Variants in FGF5 observed in about 807,000 individuals in gnomAD.
The protein encoded by FGF5 is heparin-binding growth factor 5.
FGF5 carries 23 observed loss-of-function variants against 21.8 expected under a neutral mutation model. The observed-to-expected ratio is 1.05, with a 90% CI of 0.76 to 1.49. FGF5 has a LOEUF of 1.49. Ranked by LOEUF, FGF5 falls within the 40% of genes most tolerant of loss-of-function variation. The pLI is 0.00. For synonymous variants in FGF5, 158 were observed against 124.0 expected (o/e 1.27, Z -1.82); for missense variants, 352 against 332.9 (o/e 1.06, Z -0.45).
chr4:80,281,850 G>A (rs542357759), intron 2 of FGF5, among the ~76,000 whole-genome samples: 3 of 152,190 alleles, frequency 2.0e-5, no homozygotes, highest in African/African-American at 7.2e-5. Flanking sequence ...GTAGTTAATC[G>A]GAGTTGTGCT....
At chr4:80,281,016 A>G (rs1720537699) in intron 2 of FGF5, among the ~76,000 whole-genome samples, 1 of 152,094 alleles carries the variant, frequency 6.6e-6, no homozygotes, top group African/African-American at 2.4e-5. Flanking sequence ...GTTGGGTGAT[A>G]TTAAAGCCAA....
chr4:80,274,612 T>C (rs1720359703), intron 1 of FGF5, among the ~76,000 whole-genome samples: 1 of 152,090 alleles, frequency 6.6e-6, no homozygotes, highest in Non-Finnish European at 1.5e-5. Context: ...TTAATTTCTT[T>C]AAAACCTGAG....
chr4:80,275,721 T>G (rs1358472303), intron 2 of FGF5, among the ~76,000 whole-genome samples: 1 of 152,030 alleles, frequency 6.6e-6, no homozygotes, highest in Non-Finnish European at 1.5e-5. Flanking sequence ...TTAAAGATAA[T>G]AAAATATGTT....
rs1308349246 is a variant in FGF5 at position 80,289,130 on chromosome 4, A to T, written c.*2458A>T. ...TGCCTCAGCCTCCCAAGTAGCTGGG[A>T]TTACAGACTCATGCCACCACGCCAG... On this transcript the variant is annotated 3_prime_UTR_variant, in exon 3 of 3. Coordinates refer to ENST00000312465, the MANE Select transcript of FGF5 (RefSeq NM_004464.4). 6.6e-6 allele frequency: 1 copy of T among 151,740 alleles called. No homozygotes were observed. The highest frequency in any genetic ancestry group is 2.4e-5 in the African/African-American group (1 of 41,226). 9.4% of individuals were successfully genotyped at this position (151,740 alleles called of 1,614,324 possible).
At position 80,286,323 on chromosome 4, in the gene FGF5, A is replaced by G. The variant is rs1253720482; in HGVS notation, c.460-2A>G. The G allele has an allele frequency of 3.8e-6, 6 of 1,569,806 alleles. No individual in the cohort carries two copies. The highest frequency in any genetic ancestry group is 5.2e-6 in the Non-Finnish European group (6 of 1,157,868). ...AATTTCCTCTTTTTTTCTCCTCCTT[A>G]GGCCAAGTTCACAGATGACTGCAAG... On this transcript the variant is annotated splice_acceptor_variant, in intron 2 of 2. Transcript: ENST00000312465. LOFTEE classifies it high-confidence loss of function.
At position 80,289,083 on chromosome 4, in the gene FGF5, T is replaced by C. The variant is rs1720825069; in HGVS notation, c.*2411T>C. ...ATCTCGGCTCACTGCAACCTCCAAC[T>C]CCCTGGTTTAAGGGATTCTCCTGCC... On this transcript the variant is annotated 3_prime_UTR_variant, in exon 3 of 3. Coordinates refer to ENST00000312465, the MANE Select transcript of FGF5 (RefSeq NM_004464.4). 1 of 151,004 alleles carries C rather than the reference T, an allele frequency of 6.6e-6. No homozygotes were observed. The allele number at this position is 151,004 out of a possible 1,614,324, so 9.4% of individuals were successfully genotyped here.
intron 1 of FGF5, among the ~76,000 whole-genome samples, chr4:80,271,841 GA>G (rs1227557618): frequency 6.6e-5 from 10 of 152,266 alleles, no homozygotes; most frequent in African/African-American, 2.4e-4. Context: ...CAATGTCAGA[GA>G]AATGTTTTCA....
intron 1 of FGF5, among the ~76,000 whole-genome samples, chr4:80,269,392 A>G (rs911689029): frequency 1.3e-5 from 2 of 152,280 alleles, no homozygotes; most frequent in African/African-American, 4.8e-5. Context: ...CGAAGACACT[A>G]TATGAGACGA....
intron 2 of FGF5, among the ~76,000 whole-genome samples, chr4:80,278,255 A>G (rs540471950): frequency 1.8e-4 from 28 of 152,302 alleles, no homozygotes; most frequent in Non-Finnish European, 2.9e-4. Context: ...GAATATTTAT[A>G]GCACTCTATT....
chr4:80,287,383 T>C lies in FGF5; in HGVS notation c.*711T>C, dbSNP rs1317896263. ...TTGTGTGTATGTGTATGTCAATTCATGACATTATGTGGAATCCTAAACCTT... is the reference window on the plus strand; with the variant it reads ...TTGTGTGTATGTGTATGTCAATTCACGACATTATGTGGAATCCTAAACCTT... On this transcript the variant is annotated 3_prime_UTR_variant, in exon 3 of 3. Coordinates refer to ENST00000312465, the MANE Select transcript of FGF5 (RefSeq NM_004464.4). 6.6e-6 allele frequency: 1 copy of C among 152,158 alleles called. No homozygotes were observed. Among genetic ancestry groups the C allele is most frequent in the Admixed American group, 6.5e-5 (1 of 15,268 alleles). The allele number at this position is 152,158 out of a possible 1,614,324, so 9.4% of individuals were successfully genotyped here.
chr4:80,286,438 C>G lies in FGF5; in HGVS notation c.573C>G (p.Ala191=). 1 of 1,613,716 alleles carries G rather than the reference C, an allele frequency of 6.2e-7. No homozygotes were observed. The highest frequency in any genetic ancestry group is 8.5e-7 in the Non-Finnish European group (1 of 1,179,926). Residue 191 remains alanine, a synonymous_variant, in exon 3 of 3, where the codon GCC becomes GCG. Coordinates refer to ENST00000312465, the MANE Select transcript of FGF5 (RefSeq NM_004464.4). The stretch of plus-strand genomic sequence containing the variant: ...AAACAGGGCGGGAGTGGTATGTGGC[C>G]CTGAATAAAAGAGGAAAAGCCAAAC... ...TEKTGREWYV[A]LNKRGKAKRG... is the part of the protein sequence containing the mutation.
chr4:80,272,215 G>A (rs1404592689), intron 1 of FGF5, among the ~76,000 whole-genome samples: 2 of 152,136 alleles, frequency 1.3e-5, no homozygotes, highest in African/African-American at 2.4e-5. Flanking sequence ...CATATGTAAA[G>A]TGTATTTTTA....
chr4:80,286,309 T>G lies in FGF5; in HGVS notation c.460-16T>G. 6.5e-7 allele frequency: 1 copy of G among 1,532,566 alleles called. No individual in the cohort carries two copies. The allele number at this position is 1,532,566 out of a possible 1,614,324, so 94.9% of individuals were successfully genotyped here. On this transcript the variant is annotated splice_polypyrimidine_tract_variant and intron_variant, in intron 2 of 2. Transcript: ENST00000312465. Reference sequence around the variant, plus strand: ...ATCGCCACAACTTAAATTTCCTCTTTTTTTCTCCTCCTTAGGCCAAGTTCA... The same window carrying G: ...ATCGCCACAACTTAAATTTCCTCTTGTTTTCTCCTCCTTAGGCCAAGTTCA...
chr4:80,276,494 A>G (rs2109922776), intron 2 of FGF5, among the ~76,000 whole-genome samples: 1 of 152,106 alleles, frequency 6.6e-6, no homozygotes, highest in South Asian at 2.1e-4. Flanking sequence ...TACTTTTTTA[A>G]ATTTATTTTT....
chr4:80,285,088 G>C (rs539339983), intron 2 of FGF5, among the ~76,000 whole-genome samples: 3 of 152,258 alleles, frequency 2.0e-5, no homozygotes, highest in Non-Finnish European at 4.4e-5. Context: ...TCTCATAACA[G>C]CCCTATTGTT....
chr4:80,267,985 G>A lies in FGF5; in HGVS notation c.355+806G>A, dbSNP rs189919071. ...CCTTTGGTCCCCAAGAACAGTTAGG[G>A]GAAAGTTCCTTATTTTAGAAGAAAC... is the stretch of plus-strand genomic sequence containing the variant. On this transcript the variant is annotated intron_variant, in intron 1 of 2. Transcript: ENST00000312465. Among the ~76,000 whole-genome samples, 886 of 152,292 alleles carry A rather than the reference G, an allele frequency of 5.8e-3. 2 individuals are homozygous for A. Among genetic ancestry groups the A allele is most frequent in the Non-Finnish European group, 9.1e-3 (616 of 68,026 alleles).
intron 2 of FGF5, among the ~76,000 whole-genome samples, chr4:80,277,254 A>G (rs1253412890): frequency 1.3e-5 from 2 of 152,180 alleles, no homozygotes; most frequent in Non-Finnish European, 2.9e-5. Context: ...TGACTTTTAA[A>G]CAGTACAAAG....
intron 1 of FGF5, among the ~76,000 whole-genome samples, chr4:80,272,065 T>C (rs1214605548): frequency 6.6e-6 from 1 of 152,190 alleles, no homozygotes; most frequent in Non-Finnish European, 1.5e-5. Flanking sequence ...ATTATGATCA[T>C]AACAGTGTTC....
At chr4:80,272,352 CAT>C (rs1046646187) in intron 1 of FGF5, among the ~76,000 whole-genome samples, 8 of 152,070 alleles carry the variant, frequency 5.3e-5, no homozygotes, top group African/African-American at 1.9e-4. Context: ...AACACTTTCA[CAT>C]ATATTATTTC....
Sources: gnomAD v4.1 joint callset for allele counts (sites outside exome capture counted in the v4.1 genomes callset) on GRCh38, gnomAD v4.1.1 for gene constraint, MANE v1.5 for transcripts, NCBI Gene and HGNC (gene_info 2026-07-23, HGNC 2026-07-21) for gene names.